ANKFN1: variants seen among roughly 807,000 people sequenced by gnomAD.
ANKFN1 encodes the protein ankyrin repeat and fibronectin type III domain containing 1.
ANKFN1 carries 74 observed loss-of-function variants against 108.7 expected under a neutral mutation model. The ratio of observed to expected loss-of-function variants is 0.68; its 90% CI spans 0.56 to 0.83. The LOEUF is 0.83. ANKFN1 is among the 40% of genes least tolerant of loss of function. The pLI, the probability that ANKFN1 is intolerant of heterozygous loss-of-function variation, is 0.00. For synonymous variants in ANKFN1, 547 were observed against 516.2 expected, an observed-to-expected ratio of 1.06 and a Z score of -0.81; for missense variants, 1,505 against 1,382.3, an observed-to-expected ratio of 1.09 and a Z score of -1.41.
chr17:56,416,690 C>T (rs2048249930), intron 8 of ANKFN1, among the ~76,000 whole-genome samples: 1 of 152,160 alleles, frequency 6.6e-6, no homozygotes, highest in African/African-American at 2.4e-5. Context: ...TACAGCCCGG[C>T]GATCCCGCTG....
At chr17:56,441,578 G>A (rs1308355719) in intron 9 of ANKFN1, among the ~76,000 whole-genome samples, 4 of 152,076 alleles carry the variant, frequency 2.6e-5, no homozygotes, top group Non-Finnish European at 5.9e-5. Context: ...CTCACAAGAT[G>A]GAAGAGGGCC....
At chr17:56,498,206 C>T (rs1421763484) in intron 19 of ANKFN1, among the ~76,000 whole-genome samples, 1 of 152,048 alleles carries the variant, frequency 6.6e-6, no homozygotes, top group Non-Finnish European at 1.5e-5. Flanking sequence ...GAAGCCCTTA[C>T]TCTATATGTA....
chr17:56,331,327 C>T (rs2045656463), intron 4 of ANKFN1, among the ~76,000 whole-genome samples: 1 of 152,062 alleles, frequency 6.6e-6, no homozygotes, highest in South Asian at 2.1e-4. Context: ...CAGAAATGTC[C>T]CTCTCACTGA....
At chr17:56,387,473 G>A (rs560186392) in intron 8 of ANKFN1, among the ~76,000 whole-genome samples, 4 of 152,162 alleles carry the variant, frequency 2.6e-5, no homozygotes, top group South Asian at 2.1e-4. Context: ...TATTTTTATC[G>A]TTAATGTCTA....
At chr17:56,439,205 G>T (rs188745018) in intron 8 of ANKFN1, among the ~76,000 whole-genome samples, 2 of 152,170 alleles carry the variant, frequency 1.3e-5, no homozygotes, top group Admixed American at 6.5e-5. Flanking sequence ...CTCGAGGGGC[G>T]CAGCAGGCTT....
At chr17:56,415,051 G>T (rs182652168) in intron 8 of ANKFN1, among the ~76,000 whole-genome samples, 1 of 151,568 alleles carries the variant, frequency 6.6e-6, no homozygotes, top group Non-Finnish European at 1.5e-5. Context: ...CAAAAAATTG[G>T]GTATAGAAGG....
intron 4 of ANKFN1, among the ~76,000 whole-genome samples, chr17:56,120,395 T>G (rs1906543205): frequency 6.6e-6 from 1 of 152,198 alleles, no homozygotes; most frequent in Non-Finnish European, 1.5e-5. Context: ...CCTTGATTCT[T>G]TTTAGAATGA....
At chr17:56,281,604 A>G (rs576961196) in intron 3 of ANKFN1, among the ~76,000 whole-genome samples, 1 of 152,348 alleles carries the variant, frequency 6.6e-6, no homozygotes, top group South Asian at 2.1e-4. Flanking sequence ...TTCATGTCAC[A>G]TAGGACTTAT....
intron 19 of ANKFN1, among the ~76,000 whole-genome samples, chr17:56,493,399 G>A (rs1390227333): frequency 6.6e-6 from 1 of 152,150 alleles, no homozygotes; most frequent in African/African-American, 2.4e-5. Context: ...ACAGTAAGGT[G>A]AAACAGAATG....
intron 4 of ANKFN1, among the ~76,000 whole-genome samples, chr17:56,105,296 G>C (rs571467781): frequency 1.3e-5 from 2 of 152,148 alleles, no homozygotes; most frequent in East Asian, 1.9e-4. Flanking sequence ...TGGGCTGAGA[G>C]GACAGGCAGA....
intron 1 of ANKFN1, among the ~76,000 whole-genome samples, chr17:56,210,057 G>GATAC (rs1179770294): frequency 8.2e-6 from 1 of 122,078 alleles, no homozygotes; most frequent in Admixed American, 8.7e-5. Context: ...TAGATAGATA[G>GATAC]ATACATAGAT....
intron 4 of ANKFN1, among the ~76,000 whole-genome samples, chr17:56,064,409 C>A (rs1205173981): frequency 6.6e-6 from 1 of 152,228 alleles, no homozygotes; most frequent in African/African-American, 2.4e-5. Flanking sequence ...CATCTGGGTT[C>A]TGTCCCTGAG....
intron 4 of ANKFN1, among the ~76,000 whole-genome samples, chr17:56,137,706 G>A (rs778873931): frequency 1.4e-4 from 21 of 152,244 alleles, no homozygotes; most frequent in Middle Eastern, 3.4e-3. Context: ...CAAAAGTTCT[G>A]TTTTGGTGGA....
At chr17:56,215,027 A>G (rs1915321925) in intron 2 of ANKFN1, among the ~76,000 whole-genome samples, 1 of 152,140 alleles carries the variant, frequency 6.6e-6, no homozygotes, top group South Asian at 2.1e-4. Context: ...GAGGAAATCC[A>G]CTCACTTTTC....
chr17:56,223,227 T>G (rs1208207153), intron 2 of ANKFN1, among the ~76,000 whole-genome samples: 2 of 152,238 alleles, frequency 1.3e-5, no homozygotes, highest in Non-Finnish European at 2.9e-5. Context: ...TAACCTCACA[T>G]GCTGTTGATA....
At chr17:56,170,779 T>C (rs1336691628) in intron 1 of ANKFN1, among the ~76,000 whole-genome samples, 3 of 67,694 alleles carry the variant, frequency 4.4e-5, no homozygotes, top group Non-Finnish European at 7.9e-5. Flanking sequence ...ATTTTTTATA[T>C]ATATATATAT....
intron 8 of ANKFN1, among the ~76,000 whole-genome samples, chr17:56,428,462 CTTTTTTTTT>C (rs1183827202): frequency 7.5e-6 from 1 of 133,294 alleles, no homozygotes; most frequent in African/African-American, 2.8e-5. Context: ...AGCTTTTTTT[CTTTTTTTTT>C]TTTTTTTGAG....
intron 3 of ANKFN1, among the ~76,000 whole-genome samples, chr17:56,316,279 A>G (rs9303384): frequency 0.46 from 70,547 of 152,036 alleles, 17,437 homozygotes; most frequent in African/African-American, 0.64. Flanking sequence ...TCAAATTCTC[A>G]CTGTGATTAA....
intron 4 of ANKFN1, among the ~76,000 whole-genome samples, chr17:56,109,558 T>C (rs901859458): frequency 2.6e-5 from 4 of 152,054 alleles, no homozygotes; most frequent in African/African-American, 4.8e-5. Context: ...ACACATGCAC[T>C]GCCATAATCA....
Sources: allele counts gnomAD v4.1 joint callset (sites outside exome capture counted in the v4.1 genomes callset), GRCh38; gene constraint gnomAD v4.1.1; transcripts MANE v1.5; gene names NCBI Gene and HGNC (gene_info 2026-07-23, HGNC 2026-07-21).